The following LDB2 variants were observed in gnomAD, a reference collection of about 807,000 sequenced individuals.
LDB2 encodes LIM domain-binding protein 2.
Under a neutral mutation model 44.3 loss-of-function variants are expected in LDB2, and 12 were observed. That is an observed-to-expected ratio of 0.27 (90% CI 0.17 to 0.44). The LOEUF is 0.44. LDB2 is among the 20% of genes least tolerant of loss of function. The probability of loss-of-function intolerance (pLI) is 1.00; values close to 1 mark genes in which losing one functional copy is unlikely to be tolerated. For synonymous variants in LDB2, 164 were observed against 174.8 expected (o/e 0.94, Z 0.49); for missense variants, 344 against 473.5 (o/e 0.73, Z 2.54).
intron 5 of LDB2, among the ~76,000 whole-genome samples, chr4:16,540,698 A>C (rs1052210481): frequency 3.3e-5 from 5 of 152,216 alleles, no homozygotes; most frequent in African/African-American, 1.2e-4. Flanking sequence ...CAAAAGAAAT[A>C]TGCATAACTG....
At chr4:16,655,610 A>T (rs553346218) in intron 2 of LDB2, among the ~76,000 whole-genome samples, 1 of 152,210 alleles carries the variant, frequency 6.6e-6, no homozygotes, top group Non-Finnish European at 1.5e-5. Context: ...TATTGGCATT[A>T]TCTGTTTGAT....
chr4:16,605,129 T>C (rs1001620392), intron 2 of LDB2, among the ~76,000 whole-genome samples: 4 of 152,176 alleles, frequency 2.6e-5, no homozygotes, highest in Non-Finnish European at 4.4e-5. Flanking sequence ...ACTTAACATG[T>C]TTCTCTGATT....
chr4:16,671,105 A>G (rs1295737956), intron 2 of LDB2, among the ~76,000 whole-genome samples: 3 of 113,236 alleles, frequency 2.6e-5, no homozygotes, highest in Admixed American at 1.0e-4. Context: ...AAAATAGCAC[A>G]TACAAAAAAA....
intron 1 of LDB2, among the ~76,000 whole-genome samples, chr4:16,879,510 A>G (rs1456033510): frequency 1.3e-5 from 2 of 152,216 alleles, no homozygotes; most frequent in Non-Finnish European, 2.9e-5. Flanking sequence ...AAAATGGCAG[A>G]GGAAAGTTGG....
intron 2 of LDB2, among the ~76,000 whole-genome samples, chr4:16,670,022 T>C (rs569485790): frequency 3.5e-4 from 54 of 152,350 alleles, no homozygotes; most frequent in African/African-American, 1.2e-3. Flanking sequence ...TAGAGTTGGG[T>C]AATTTTAAGA....
intron 5 of LDB2, among the ~76,000 whole-genome samples, chr4:16,579,809 TG>T (rs1490111985): frequency 1.3e-5 from 2 of 152,230 alleles, no homozygotes; most frequent in African/African-American, 4.8e-5. Context: ...ACCATCCATC[TG>T]CCAAGCATAC....
intron 2 of LDB2, among the ~76,000 whole-genome samples, chr4:16,740,608 T>C (rs778520227): frequency 1.3e-5 from 2 of 152,264 alleles, no homozygotes; most frequent in Non-Finnish European, 2.9e-5. Flanking sequence ...GATACTTGTC[T>C]AATAGAACTC....
At chr4:16,541,355 G>C (rs534167983) in intron 5 of LDB2, among the ~76,000 whole-genome samples, 1 of 152,250 alleles carries the variant, frequency 6.6e-6, no homozygotes, top group East Asian at 1.9e-4. Flanking sequence ...TGATGTTCCT[G>C]TTCTAGCTTC....
chr4:16,777,336 G>A (rs943851170), intron 1 of LDB2, among the ~76,000 whole-genome samples: 2 of 152,134 alleles, frequency 1.3e-5, no homozygotes, highest in African/African-American at 2.4e-5. Context: ...CATTTCAACC[G>A]AGAGCCGAGG....
At chr4:16,718,698 C>T (rs1415336369) in intron 2 of LDB2, among the ~76,000 whole-genome samples, 2 of 152,072 alleles carry the variant, frequency 1.3e-5, no homozygotes, top group East Asian at 1.9e-4. Flanking sequence ...GACAAACCCT[C>T]GCATAAGAGC....
intron 2 of LDB2, among the ~76,000 whole-genome samples, chr4:16,717,183 T>TAATAAC (rs1553981598): frequency 7.1e-5 from 10 of 140,090 alleles, no homozygotes; most frequent in Admixed American, 5.8e-4. Context: ...ATAATAATAA[T>TAATAAC]AATAATGATG....
intron 1 of LDB2, among the ~76,000 whole-genome samples, chr4:16,813,998 A>T (rs1780421610): frequency 6.6e-6 from 1 of 151,358 alleles, no homozygotes; most frequent in African/African-American, 2.4e-5. Flanking sequence ...CAGCCTCCCG[A>T]GTAGCTGGGA....
At chr4:16,572,978 G>A (rs981018950) in intron 5 of LDB2, among the ~76,000 whole-genome samples, 1 of 152,174 alleles carries the variant, frequency 6.6e-6, no homozygotes, top group Admixed American at 6.5e-5. Flanking sequence ...TTCAGAGGCC[G>A]AATCCTCACC....
At chr4:16,885,154 TAAAAAA>T (rs57704740) in intron 1 of LDB2, among the ~76,000 whole-genome samples, 1 of 94,854 alleles carries the variant, frequency 1.1e-5, no homozygotes, top group Non-Finnish European at 2.0e-5. Flanking sequence ...ATACCACTTC[TAAAAAA>T]AAAAAAAAAA....
intron 1 of LDB2, among the ~76,000 whole-genome samples, chr4:16,862,621 G>C (rs1220993751): frequency 1.1e-5 from 1 of 92,140 alleles, no homozygotes; most frequent in African/African-American, 4.3e-5. Context: ...CAACAAGAGT[G>C]AAATTCCATC....
intron 1 of LDB2, among the ~76,000 whole-genome samples, chr4:16,869,828 A>G (rs1715940794): frequency 6.6e-6 from 1 of 152,164 alleles, no homozygotes. Flanking sequence ...CATCTTAAGT[A>G]TTTGAGGAAC....
In LDB2 at chr4:16,817,048, G is replaced by A. The variant is rs7675925; in HGVS notation, c.133-57788C>T. On this transcript the variant is annotated intron_variant, in intron 1 of 7. Transcript: ENST00000304523. ...AACAAGACCATGAGCTCTTTGTGGG[G>A]GGAACAGGCCCTGTGAAGGAGTTGC... is the stretch of plus-strand genomic sequence containing the variant. Among the ~76,000 whole-genome samples the A allele has an allele frequency of 4.1e-3, 627 of 152,226 alleles. 3 individuals are homozygous for A. The highest frequency in any genetic ancestry group is 0.014 in the African/African-American group (581 of 41,530).
intron 7 of LDB2, chr4:16,506,831 C>CTGAT (rs1471443550): frequency 6.6e-6 from 1 of 152,194 alleles, no homozygotes; most frequent in South Asian, 2.1e-4. Context: ...ATCTGTTGAA[C>CTGAT]TGATTGGGAT....
chr4:16,760,705 C>T (rs1192109502), intron 1 of LDB2, among the ~76,000 whole-genome samples: 1 of 152,162 alleles, frequency 6.6e-6, no homozygotes, highest in Admixed American at 6.5e-5. Context: ...ATCACATGAG[C>T]AACTAAACAG....
Sources: gnomAD v4.1 joint callset for allele counts (sites outside exome capture counted in the v4.1 genomes callset) on GRCh38, gnomAD v4.1.1 for gene constraint, MANE v1.5 for transcripts, NCBI Gene and HGNC (gene_info 2026-07-23, HGNC 2026-07-21) for gene names.